Variants in CDH18 observed in about 807,000 individuals in gnomAD.
CDH18 encodes the protein cadherin-18.
CDH18 carries 31 observed loss-of-function variants against 67.9 expected under a neutral mutation model. The observed-to-expected ratio is 0.46, with a 90% confidence interval of 0.34 to 0.62. The LOEUF (loss-of-function observed/expected upper bound fraction) is 0.62. CDH18 is among the 20% of genes least tolerant of loss of function. The pLI is 0.01. For missense variants in CDH18, 890 were observed against 975.5 expected (o/e 0.91, Z 1.17); for synonymous variants, 362 against 347.2 (o/e 1.04, Z -0.48).
chr5:19,570,078 A>C (rs1280747221), intron 8 of CDH18, among the ~76,000 whole-genome samples: 1 of 152,126 alleles, frequency 6.6e-6, no homozygotes, highest in Non-Finnish European at 1.5e-5. Flanking sequence ...TTGGTAAAGA[A>C]AGCCTCATTT....
At chr5:20,491,493 C>A (rs1224700336) in intron 1 of CDH18, among the ~76,000 whole-genome samples, 1 of 152,138 alleles carries the variant, frequency 6.6e-6, no homozygotes, top group Non-Finnish European at 1.5e-5. Context: ...AAAGGATGGC[C>A]AGTCCAAAAT....
chr5:20,088,792 A>G lies in CDH18; in HGVS notation c.-517-96778T>C, dbSNP rs778318306. On this transcript the variant is annotated intron_variant, in intron 2 of 14. Coordinates refer to the CDH18 transcript ENST00000507958. ...TAGAATTACTCTAATTTTATACATG[A>G]ACAAGGAACATTCAAGAGGTGAATT... Among the ~76,000 whole-genome samples the G allele has an allele frequency of 4.6e-5, 7 of 152,170 alleles. No individual in the cohort carries two copies. The South Asian group carries it at 1.0e-3, about 22-fold the overall frequency.
At chr5:20,519,785 C>G (rs1298261687) in intron 1 of CDH18, among the ~76,000 whole-genome samples, 4 of 151,454 alleles carry the variant, frequency 2.6e-5, no homozygotes, top group Non-Finnish European at 5.9e-5. Flanking sequence ...TGCATTTGCT[C>G]TTTTCTTCAG....
At chr5:20,351,268 A>C (rs1336100108) in intron 1 of CDH18, among the ~76,000 whole-genome samples, 1 of 142,518 alleles carries the variant, frequency 7.0e-6, no homozygotes, top group African/African-American at 2.7e-5. Context: ...TTTTTTGTTC[A>C]CTGATACATC....
Position 19,604,018 on chromosome 5 carries a change from C to T in CDH18, c.811+8416G>A, listed in dbSNP as rs186647650. 4.7e-3 allele frequency among the ~76,000 whole-genome samples: 715 copies of T among 151,938 alleles called. 4 individuals are homozygous for T. Among genetic ancestry groups the T allele is most frequent in the South Asian group, 0.025 (120 of 4,820 alleles). On this transcript the variant is annotated intron_variant, in intron 6 of 12. Coordinates refer to ENST00000382275, the MANE Select transcript of CDH18 (RefSeq NM_004934.5). ...TCTGGATGCACCATAGTTTTGTATG[C>T]CACATGTGATCTTTTCACATAATTT...
rs532394779 is a variant in CDH18 at position 19,813,808 on chromosome 5, T to A, written c.228+24951A>T. Among the ~76,000 whole-genome samples the A allele has an allele frequency of 7.2e-4, 110 of 152,280 alleles. 1 individual carries two copies. The highest frequency in any genetic ancestry group is 1.3e-3 in the Non-Finnish European group (88 of 67,980). On this transcript the variant is annotated intron_variant, in intron 3 of 12. Coordinates refer to ENST00000382275, the MANE Select transcript of CDH18 (RefSeq NM_004934.5). ...ATTCTATTTCAAAACTACATTGTTA[T>A]GATAATTATTGACACTAATGTGCCA...
At chr5:20,409,812 T>C (rs1041192206) in intron 1 of CDH18, among the ~76,000 whole-genome samples, 3 of 151,590 alleles carry the variant, frequency 2.0e-5, no homozygotes, top group African/African-American at 2.4e-5. Flanking sequence ...CAGGAGGCAT[T>C]ATGAATGATG....
chr5:19,833,914 T>TCA (rs139443058), intron 3 of CDH18, among the ~76,000 whole-genome samples: 92,793 of 151,668 alleles, frequency 0.61, 28,943 homozygotes, highest in African/African-American at 0.71. Context: ...GCTGCTGGAT[T>TCA]GTTTCTCAGT....
chr5:19,540,964 G>C (rs1320267577), intron 9 of CDH18, among the ~76,000 whole-genome samples: 2 of 152,076 alleles, frequency 1.3e-5, no homozygotes, highest in Non-Finnish European at 2.9e-5. Context: ...CCCAGTTAAT[G>C]GGTTTTTCTT....
At chr5:19,602,764 G>A (rs997099641) in intron 6 of CDH18, among the ~76,000 whole-genome samples, 3 of 152,040 alleles carry the variant, frequency 2.0e-5, no homozygotes, top group African/African-American at 7.2e-5. Context: ...AGGAGTTCAA[G>A]ATCAGCCTGG....
chr5:20,036,450 G>T (rs1362200604), intron 2 of CDH18, among the ~76,000 whole-genome samples: 1 of 151,914 alleles, frequency 6.6e-6, no homozygotes, highest in Non-Finnish European at 1.5e-5. Flanking sequence ...AGGGAAAGTG[G>T]AGTCAAAGCT....
intron 6 of CDH18, among the ~76,000 whole-genome samples, chr5:19,598,555 C>T (rs1008019189): frequency 1.3e-5 from 2 of 151,988 alleles, no homozygotes; most frequent in African/African-American, 4.8e-5. Flanking sequence ...CTTCATGTAA[C>T]ACTCCCCATT....
chr5:19,888,110 T>G (rs1025186358), intron 2 of CDH18, among the ~76,000 whole-genome samples: 1 of 152,174 alleles, frequency 6.6e-6, no homozygotes, highest in Non-Finnish European at 1.5e-5. Context: ...TTTACCATGT[T>G]GCATTATAAT....
At chr5:20,305,532 T>G in intron 1 of CDH18, 1 of 847,798 alleles carries the variant, frequency 1.2e-6, no homozygotes, top group South Asian at 1.3e-5. Flanking sequence ...CGCAGGGGTC[T>G]CGAGCGGCTG....
chr5:20,017,557 A>G (rs1323167317), intron 2 of CDH18, among the ~76,000 whole-genome samples: 2 of 152,214 alleles, frequency 1.3e-5, no homozygotes, highest in Non-Finnish European at 2.9e-5. Context: ...ATAGATTAAA[A>G]TTACTAAATT....
At chr5:20,544,833 C>T (rs1266525565) in intron 1 of CDH18, among the ~76,000 whole-genome samples, 2 of 152,150 alleles carry the variant, frequency 1.3e-5, no homozygotes, top group Non-Finnish European at 2.9e-5. Context: ...CATGCCTTCC[C>T]AACAGTCACC....
At chr5:20,156,726 A>G (rs1751560377) in intron 2 of CDH18, among the ~76,000 whole-genome samples, 2 of 152,186 alleles carry the variant, frequency 1.3e-5, no homozygotes, top group South Asian at 4.1e-4. Context: ...TCAAAAGAAC[A>G]ACAAAAGGAG....
chr5:19,826,875 C>T (rs945174371), intron 3 of CDH18, among the ~76,000 whole-genome samples: 4 of 152,116 alleles, frequency 2.6e-5, no homozygotes, highest in African/African-American at 7.2e-5. Context: ...GAAACCTGCA[C>T]ATATCAATAT....
intron 2 of CDH18, among the ~76,000 whole-genome samples, chr5:20,136,442 T>C (rs1202406052): frequency 6.6e-6 from 1 of 152,212 alleles, no homozygotes; most frequent in Non-Finnish European, 1.5e-5. Context: ...ATTTGCTTGG[T>C]AGATCTTCTT....
Sources: gnomAD v4.1 joint callset for allele counts (sites outside exome capture counted in the v4.1 genomes callset) on GRCh38, gnomAD v4.1.1 for gene constraint, MANE v1.5 for transcripts, NCBI Gene and HGNC (gene_info 2026-07-23, HGNC 2026-07-21) for gene names.